Variants in ADAMTSL1 observed in about 807,000 individuals in gnomAD.
The protein encoded by ADAMTSL1 is ADAMTS like 1.
A neutral mutation model predicts 201.8 loss-of-function variants in ADAMTSL1; 126 were observed. The ratio of observed to expected loss-of-function variants is 0.62; its 90% confidence interval spans 0.54 to 0.72. ADAMTSL1 has a LOEUF of 0.72. Among genes scored for constraint, ADAMTSL1 ranks in the 30% least tolerant of loss-of-function variants. The probability of loss-of-function intolerance (pLI) is 0.00; values close to 1 mark genes in which losing one functional copy is unlikely to be tolerated. For missense variants in ADAMTSL1, 2,679 were observed against 2,277.8 expected, an observed-to-expected ratio of 1.18 and a Z score of -3.59; for synonymous variants, 1,121 against 903.4, an observed-to-expected ratio of 1.24 and a Z score of -4.32.
At chr9:18,289,511 C>T (rs1833165883) in intron 2 of ADAMTSL1, among the ~76,000 whole-genome samples, 1 of 152,108 alleles carries the variant, frequency 6.6e-6, no homozygotes, top group African/African-American at 2.4e-5. Flanking sequence ...ATCAGAATAC[C>T]AGGGTGGTGT....
At chr9:18,540,673 G>A (rs997739537) in intron 3 of ADAMTSL1, among the ~76,000 whole-genome samples, 16 of 152,134 alleles carry the variant, frequency 1.1e-4, no homozygotes, top group African/African-American at 2.9e-4. Context: ...CTTTGGAAGA[G>A]CAGAAGGCTG....
intron 1 of ADAMTSL1, among the ~76,000 whole-genome samples, chr9:17,907,531 C>T (rs1342907332): frequency 6.6e-6 from 1 of 152,162 alleles, no homozygotes; most frequent in Non-Finnish European, 1.5e-5. Context: ...CGAGGATTGG[C>T]CCTGACCATA....
intron 3 of ADAMTSL1, among the ~76,000 whole-genome samples, chr9:18,555,665 C>G (rs1821064522): frequency 2.0e-5 from 3 of 151,878 alleles, no homozygotes; most frequent in South Asian, 4.2e-4. Flanking sequence ...CTCACACAGG[C>G]TGAGAATAGG....
intron 1 of ADAMTSL1, among the ~76,000 whole-genome samples, chr9:18,017,846 G>A (rs542927720): frequency 1.3e-5 from 2 of 152,018 alleles, no homozygotes; most frequent in East Asian, 1.9e-4. Context: ...GGAACAGGCT[G>A]TCTTTTCCTG....
rs1437404510 is a variant in ADAMTSL1 at position 18,381,751 on chromosome 9, A to G, written c.208-123078A>G. On this transcript the variant is annotated intron_variant, in intron 2 of 29. Coordinates refer to the ADAMTSL1 transcript ENST00000680146. ...GAAAAATGAGCCAATTTTTAAAACT[A>G]TGTATCACCGAGAACCCATTTGGAG... 3.3e-5 allele frequency among the ~76,000 whole-genome samples: 5 copies of G among 152,194 alleles called. No homozygotes were observed. The South Asian group carries it at 6.2e-4, about 19-fold the overall frequency.
intron 7 of ADAMTSL1, among the ~76,000 whole-genome samples, chr9:18,641,560 A>G (rs1827441133): frequency 1.3e-5 from 2 of 152,070 alleles, no homozygotes; most frequent in African/African-American, 2.4e-5. Flanking sequence ...CTAAGAGTAT[A>G]TATCTTTTTC....
At chr9:18,417,382 G>GAA (rs750731863) in intron 2 of ADAMTSL1, among the ~76,000 whole-genome samples, 2 of 108,854 alleles carry the variant, frequency 1.8e-5, no homozygotes, top group Non-Finnish European at 3.9e-5. Flanking sequence ...AAAAAAAAAA[G>GAA]AAAAAAAAAA....
intron 14 of ADAMTSL1, among the ~76,000 whole-genome samples, chr9:18,708,619 C>T (rs1230759348): frequency 6.6e-6 from 1 of 152,198 alleles, no homozygotes; most frequent in Non-Finnish European, 1.5e-5. Flanking sequence ...GCTACAGTTG[C>T]TTCTTTCCAA....
chr9:18,498,058 T>C (rs1048768859), intron 1 of ADAMTSL1, among the ~76,000 whole-genome samples: 13 of 152,312 alleles, frequency 8.5e-5, no homozygotes, highest in African/African-American at 3.1e-4. Context: ...CCATTCATTG[T>C]CATTTTATAC....
intron 1 of ADAMTSL1, among the ~76,000 whole-genome samples, chr9:17,989,655 G>A (rs1353477721): frequency 6.6e-6 from 1 of 151,896 alleles, no homozygotes; most frequent in Non-Finnish European, 1.5e-5. Flanking sequence ...CCCTTTGCCT[G>A]GAACTTAACC....
intron 13 of ADAMTSL1, among the ~76,000 whole-genome samples, chr9:18,701,804 T>G (rs1317553425): frequency 6.6e-6 from 1 of 152,226 alleles, no homozygotes; most frequent in Non-Finnish European, 1.5e-5. Flanking sequence ...CTGTTTTTAT[T>G]TTTAATAATC....
chr9:18,244,744 A>T (rs552084875), intron 2 of ADAMTSL1, among the ~76,000 whole-genome samples: 135 of 152,198 alleles, frequency 8.9e-4, no homozygotes, highest in South Asian at 3.3e-3. Flanking sequence ...CTGTGCACAA[A>T]CTAGGTCACC....
intron 2 of ADAMTSL1, among the ~76,000 whole-genome samples, chr9:18,314,659 A>G (rs1834292729): frequency 6.6e-6 from 1 of 151,984 alleles, no homozygotes; most frequent in Non-Finnish European, 1.5e-5. Context: ...GTTACAGCTC[A>G]TAAAGGCATG....
chr9:18,387,220 A>C (rs1837832894), intron 2 of ADAMTSL1, among the ~76,000 whole-genome samples: 1 of 152,152 alleles, frequency 6.6e-6, no homozygotes, highest in Non-Finnish European at 1.5e-5. Flanking sequence ...TGAAATATTT[A>C]AATATATAAA....
At chr9:18,588,630 T>C (rs947792995) in intron 4 of ADAMTSL1, among the ~76,000 whole-genome samples, 29 of 151,976 alleles carry the variant, frequency 1.9e-4, no homozygotes, top group African/African-American at 5.6e-4. Context: ...GGGTTAATTT[T>C]ATATTTACTA....
intron 1 of ADAMTSL1, among the ~76,000 whole-genome samples, chr9:17,965,979 A>G (rs1817965759): frequency 6.6e-6 from 1 of 152,128 alleles, no homozygotes; most frequent in African/African-American, 2.4e-5. Context: ...TCTCCTGCCA[A>G]ATTTTGAACT....
chr9:18,609,082 T>C (rs188334293), intron 4 of ADAMTSL1, among the ~76,000 whole-genome samples: 8 of 152,298 alleles, frequency 5.3e-5, no homozygotes, highest in Non-Finnish European at 1.0e-4. Flanking sequence ...CCTGAAAATA[T>C]GTCTTTCCCA....
chr9:18,536,367 C>A (rs944022199), intron 3 of ADAMTSL1, among the ~76,000 whole-genome samples: 1 of 151,918 alleles, frequency 6.6e-6, no homozygotes, highest in East Asian at 1.9e-4. Context: ...TTTTGTAGAA[C>A]CGCTACATAT....
At chr9:18,075,395 A>C (rs912394461) in intron 1 of ADAMTSL1, among the ~76,000 whole-genome samples, 1 of 152,214 alleles carries the variant, frequency 6.6e-6, no homozygotes. Flanking sequence ...CTGGTAGTTT[A>C]ACATGGGTGG....
Sources: allele counts gnomAD v4.1 joint callset (sites outside exome capture counted in the v4.1 genomes callset), GRCh38; gene constraint gnomAD v4.1.1; transcripts MANE v1.5; gene names NCBI Gene and HGNC (gene_info 2026-07-23, HGNC 2026-07-21).